Variants in ABCB8 observed in about 807,000 individuals in gnomAD.
ABCB8 encodes the protein ATP binding cassette subfamily B member 8, also known as mitochondrial potassium channel ATP-binding subunit.
A neutral mutation model predicts 73.0 loss-of-function variants in ABCB8; 52 were observed. That is an observed-to-expected ratio of 0.71 (90% CI 0.57 to 0.90). The LOEUF is 0.90. Ranked by LOEUF, ABCB8 falls within the 40% of genes least tolerant of loss-of-function variation. The pLI is 0.00. For synonymous variants in ABCB8, 428 were observed against 423.5 expected (o/e 1.01, Z -0.13); for missense variants, 909 against 974.6 (o/e 0.93, Z 0.90).
chr7:151,039,111 A>G (rs1406769038), intron 9 of ABCB8: 1 of 152,254 alleles, frequency 6.6e-6, no homozygotes, highest in Non-Finnish European at 1.5e-5. Context: ...CCCGTAGCCT[A>G]CAGCCCACGG....
Position 151,040,318 on chromosome 7 carries a change from G to A in ABCB8, c.1251+17G>A, listed in dbSNP as rs1796420649. ...TTTGGGCAGGTGAGTGGCCGGTAGG[G>A]TGGAGGGCCTGGGGTGTGGAGTTTG... On this transcript the variant is annotated intron_variant, in intron 10 of 15. Transcript: ENST00000358849. 1.2e-6 allele frequency: 2 copies of A among 1,612,758 alleles called. No homozygotes were observed. The highest frequency in any genetic ancestry group is 4.5e-5 in the East Asian group (2 of 44,872).
At chr7:151,033,296 A>G (rs1040569861) in intron 1 of ABCB8, 4 of 691,222 alleles carry the variant, frequency 5.8e-6, no homozygotes, top group African/African-American at 5.4e-5. Flanking sequence ...TCAGGCTGTC[A>G]TTCTGTCAGA....
Position 151,041,089 on chromosome 7 carries a change from A to T in ABCB8, c.1484-10A>T. 1 of 1,613,380 alleles carries T rather than the reference A, an allele frequency of 6.2e-7. No homozygotes were observed. The highest frequency in any genetic ancestry group is 8.5e-7 in the Non-Finnish European group (1 of 1,179,904). On this transcript the variant is annotated splice_polypyrimidine_tract_variant and intron_variant, in intron 12 of 15. Coordinates refer to ENST00000358849, the MANE Select transcript of ABCB8 (RefSeq NM_007188.5). ...CCCTGGCCTCCCTCCCTCTCAACCC[A>T]ATTCCCCAGGAAAGACCACCGTGGC...
rs374217747 is a variant in ABCB8 at position 151,032,174 on chromosome 7, C to T, written c.96-1431C>T. Among the ~76,000 whole-genome samples the T allele has an allele frequency of 2.0e-5, 3 of 152,218 alleles. 1 individual carries two copies. The highest frequency in any genetic ancestry group is 2.0e-4 in the Admixed American group (3 of 15,280). On this transcript the variant is annotated intron_variant, in intron 1 of 15. Transcript: ENST00000358849. ...AGCTCTCCCCTTTACACTCCACCCC[C>T]ACCTGTGCCTGGCCTGTTCCCCCTC...
At chr7:151,040,341 TTGTGCCGTG>T in intron 10 of ABCB8, 40 bp downstream of exon 10, 1 of 1,608,784 alleles carries the variant, frequency 6.2e-7, no homozygotes, top group Non-Finnish European at 8.5e-7. Context: ...GGTGTGGAGT[TTGTGCCGTG>T]TGTGCCGCTG....
chr7:151,036,268 G>A, intron 8 of ABCB8, 98 bp downstream of exon 8: 1 of 1,222,014 alleles, frequency 8.2e-7, no homozygotes, highest in South Asian at 1.5e-5. Flanking sequence ...TCTGCTGGCT[G>A]CCTGCATTCG....
At chr7:151,040,661 A>G (rs781060769) in intron 11 of ABCB8, 27 bp downstream of exon 11, 1 of 1,605,698 alleles carries the variant, frequency 6.2e-7, no homozygotes, top group Non-Finnish European at 8.5e-7. Flanking sequence ...AGGCGTGGGG[A>G]TGGGTCCCTG....
rs760621812 is a variant in ABCB8 at position 151,036,560 on chromosome 7, C to T, written c.1128C>T (p.Thr376=). Residue 376 remains threonine (T), a synonymous_variant, in exon 9 of 16, where the codon ACC becomes ACT. Transcript: ENST00000358849. ...CTCCTGCAGGCATGGTCTTGGGTAC[C>T]CTATTTATTGGGGGCTCCCTTGTGG... is the stretch of plus-strand genomic sequence containing the variant. The part of the protein sequence containing the change: ...NIAFNCMVLG[T]LFIGGSLVAG... The T allele has an allele frequency of 6.2e-7, 1 of 1,614,108 alleles. No individual in the cohort carries two copies. Among genetic ancestry groups the T allele is most frequent in the Non-Finnish European group, 8.5e-7 (1 of 1,179,982 alleles).
intron 12 of ABCB8, 27 bp downstream of exon 12, chr7:151,040,949 C>T (rs777710039): frequency 4.4e-6 from 7 of 1,598,340 alleles, no homozygotes; most frequent in South Asian, 2.2e-5. Flanking sequence ...ACCTCTTCAC[C>T]CTCTGACTCT....
rs2117214027 is a variant in ABCB8 at position 151,034,757 on chromosome 7, A to G, written c.693A>G (p.Thr231=). The change falls in exon 5 of 16, where the codon ACA becomes ACG. Residue 231 remains threonine (T), a synonymous_variant. Coordinates refer to ENST00000358849, the MANE Select transcript of ABCB8 (RefSeq NM_007188.5). ...TCACCTTCTTTGACGCCAATAAGAC[A>G]GGGCAGCTGGTGAGCCGCTTGACAA... ...QDITFFDANK[T]GQLVSRLTTD... 6.2e-7 allele frequency: 1 copy of G among 1,614,104 alleles called. No homozygotes were observed. The highest frequency in any genetic ancestry group is 8.5e-7 in the Non-Finnish European group (1 of 1,179,972).
rs371807725 is a variant in ABCB8 at position 151,041,237 on chromosome 7, G to A, written c.1617+5G>A. On this transcript the variant is annotated splice_donor_5th_base_variant and intron_variant, in intron 13 of 15. Coordinates refer to ENST00000358849, the MANE Select transcript of ABCB8 (RefSeq NM_007188.5). Reference sequence around the variant, plus strand: ...GTTGTCGGCTTCATCAGCCAGGTGCGGGGCCACATGGGCAGCCCTTGGCTC... The same window carrying A: ...GTTGTCGGCTTCATCAGCCAGGTGCAGGGCCACATGGGCAGCCCTTGGCTC... 85 of 1,595,682 alleles carry A rather than the reference G, an allele frequency of 5.3e-5. No individual in the cohort carries two copies. Among genetic ancestry groups the A allele is most frequent in the Admixed American group, 1.0e-4 (6 of 59,600 alleles).
intron 9 of ABCB8, chr7:151,039,565 C>G (rs930364399): frequency 1.3e-5 from 2 of 152,356 alleles, no homozygotes; most frequent in African/African-American, 4.8e-5. Context: ...CCTGCCGGGA[C>G]GAAGGAGGCC....
At chr7:151,034,165 C>T (rs1349299850) in intron 2 of ABCB8, 108 bp from the exon 3 acceptor site, 1 of 1,331,556 alleles carries the variant, frequency 7.5e-7, no homozygotes, top group Non-Finnish European at 1.0e-6. Flanking sequence ...ACAACCTGGA[C>T]AAGCGCAGTG....
At position 151,040,272 on chromosome 7, in the gene ABCB8, A is replaced by G. The variant is rs745335181; in HGVS notation, c.1222A>G (p.Met408Val). Residue 408 changes from methionine to valine, a missense_variant, in exon 10 of 16, where the codon ATG becomes GTG. By Grantham distance (21) the Met-to-Val change is conservative. Coordinates refer to ENST00000358849, the MANE Select transcript of ABCB8 (RefSeq NM_007188.5). ...LVASQTVQRS[M>V]ANLSVLFGQV... ...CCTCTCTCCTTTTTCTGACAGGTCC[A>G]TGGCCAACCTCTCTGTCCTGTTTGG... is the stretch of plus-strand genomic sequence containing the variant. 17 of 1,612,584 alleles carry G rather than the reference A, an allele frequency of 1.1e-5. No individual in the cohort carries two copies. In the Admixed American group the frequency reaches 2.5e-4, roughly 24 times the overall value.
chr7:151,036,342 G>A (rs1402004208), intron 8 of ABCB8, among the ~76,000 whole-genome samples, 172 bp downstream of exon 8: 1 of 152,198 alleles, frequency 6.6e-6, no homozygotes, highest in African/African-American at 2.4e-5. Flanking sequence ...CCCAGCTATG[G>A]GACTCCATGT....
rs1263191948 is a variant in ABCB8 at position 151,036,579 on chromosome 7, C to G, written c.1147C>G (p.Leu383Val). Residue 383 changes from leucine (L) to valine (V), a missense_variant, in exon 9 of 16, where the codon CTT becomes GTT. Leu to Val is a conservative substitution (Grantham distance 32). Transcript: ENST00000358849. ...VLGTLFIGGS[L>V]VAGQQLTGGD... The stretch of plus-strand genomic sequence containing the variant: ...GGGTACCCTATTTATTGGGGGCTCC[C>G]TTGTGGCCGGACAGCAGCTGACAGG... The G allele has an allele frequency of 6.2e-7, 1 of 1,614,018 alleles. No homozygotes were observed.
At chr7:151,030,533 G>A (rs1584944623) in intron 1 of ABCB8, among the ~76,000 whole-genome samples, 1 of 88,306 alleles carries the variant, frequency 1.1e-5, no homozygotes, top group Non-Finnish European at 2.4e-5. Context: ...AAAAGTAAAT[G>A]TAGGCCAGGC....
At chr7:151,039,590 C>T (rs560814356) in intron 9 of ABCB8, 1 of 152,440 alleles carries the variant, frequency 6.6e-6, no homozygotes, top group East Asian at 1.9e-4. Flanking sequence ...ACTGTCTAGA[C>T]AGATAACACT....
In ABCB8 at chr7:151,035,562, C is replaced by T. The variant is rs76884999; in HGVS notation, c.766-19C>T. The T allele has an allele frequency of 0.022, 34,467 of 1,576,058 alleles. 438 individuals are homozygous for T. Among genetic ancestry groups the T allele is most frequent in the Non-Finnish European group, 0.027 (30,737 of 1,156,918 alleles). On this transcript the variant is annotated intron_variant, in intron 5 of 15. Transcript: ENST00000358849. ...TGGTGCGGACGCCGTAGCCTCCCGC[C>T]TTCCCTCCCACTCCCTAGGGGCTGC...
Sources: allele counts gnomAD v4.1 joint callset (sites outside exome capture counted in the v4.1 genomes callset), GRCh38; gene constraint gnomAD v4.1.1; transcripts MANE v1.5; gene names NCBI Gene and HGNC (gene_info 2026-07-23, HGNC 2026-07-21).